The following RERE variants were observed in gnomAD, a reference collection of about 807,000 sequenced individuals.
RERE encodes arginine-glutamic acid dipeptide repeats protein.
In RERE, 40 loss-of-function variants were observed where a neutral mutation model predicts 146.1. The observed-to-expected ratio is 0.27, with a 90% CI of 0.21 to 0.36. The LOEUF (loss-of-function observed/expected upper bound fraction) is 0.36. Among genes scored for constraint, RERE ranks in the 10% least tolerant of loss-of-function variants. The pLI, the probability that RERE is intolerant of heterozygous loss-of-function variation, is 1.00. For missense variants in RERE, 1,933 were observed against 2,138.7 expected, an observed-to-expected ratio of 0.90 and a Z score of 1.90; for synonymous variants, 1,003 against 866.0, an observed-to-expected ratio of 1.16 and a Z score of -2.78.
At chr1:8,682,841 A>T (rs1639000596) in intron 1 of RERE, among the ~76,000 whole-genome samples, 1 of 152,126 alleles carries the variant, frequency 6.6e-6, no homozygotes, top group Non-Finnish European at 1.5e-5. Flanking sequence ...ATGACAAGTG[A>T]TTCTTTCGCA....
At chr1:8,781,613 G>A (rs1019509024) in intron 1 of RERE, among the ~76,000 whole-genome samples, 2 of 151,374 alleles carry the variant, frequency 1.3e-5, no homozygotes, top group Non-Finnish European at 2.9e-5. Flanking sequence ...GAATCTCTCC[G>A]TGCCTCCATT....
At chr1:8,634,245 T>C (rs967491170) in intron 2 of RERE, among the ~76,000 whole-genome samples, 3 of 152,186 alleles carry the variant, frequency 2.0e-5, no homozygotes, top group African/African-American at 7.2e-5. Context: ...TGCCACCAAC[T>C]TACAACCTGT....
intron 10 of RERE, among the ~76,000 whole-genome samples, chr1:8,477,241 C>A (rs11800486): frequency 0.018 from 2,768 of 152,196 alleles, 88 homozygotes; most frequent in African/African-American, 0.062. Flanking sequence ...AGGCTGCTTG[C>A]CGGGGCAGGA....
intron 1 of RERE, among the ~76,000 whole-genome samples, chr1:8,766,834 A>C (rs1640859609): frequency 6.6e-6 from 1 of 152,164 alleles, no homozygotes; most frequent in Non-Finnish European, 1.5e-5. Flanking sequence ...GACTTAGAGA[A>C]GGTTTTAAGA....
At chr1:8,599,845 C>CCTTA (rs1446762024) in intron 4 of RERE, among the ~76,000 whole-genome samples, 1 of 152,160 alleles carries the variant, frequency 6.6e-6, no homozygotes, top group Non-Finnish European at 1.5e-5. Context: ...GCCATGCAAT[C>CCTTA]CTTAAACTGT....
chr1:8,402,859 C>T lies in RERE; in HGVS notation c.1284+19868G>A, dbSNP rs1296110510. Among the ~76,000 whole-genome samples, 7 of 152,062 alleles carry T rather than the reference C, an allele frequency of 4.6e-5. No individual in the cohort carries two copies. In the South Asian group the frequency reaches 1.2e-3, roughly 27 times the overall value. On this transcript the variant is annotated intron_variant, in intron 12 of 22. Transcript: ENST00000400908. Reference sequence around the variant, plus strand: ...TTCACCTGTAAAACTGCCTGGGGGGCGCTGGTGCTGGGAAAGGGGTATTCA... The same window carrying T: ...TTCACCTGTAAAACTGCCTGGGGGGTGCTGGTGCTGGGAAAGGGGTATTCA...
In RERE at chr1:8,747,064, C is replaced by T. The variant is rs968482206; in HGVS notation, c.-145+70096G>A. ...TCTCGCTCTGTCGCCCAGGCTGGAGCGATCTTGGCTCACTGCAAGCTCCGC... is the reference window on the plus strand; with the variant it reads ...TCTCGCTCTGTCGCCCAGGCTGGAGTGATCTTGGCTCACTGCAAGCTCCGC... On this transcript the variant is annotated intron_variant, in intron 1 of 22. Coordinates refer to ENST00000400908, the MANE Select transcript of RERE (RefSeq NM_001042681.2). 9.2e-5 allele frequency among the ~76,000 whole-genome samples: 14 copies of T among 151,830 alleles called. 1 individual carries two copies. The highest frequency in any genetic ancestry group is 6.6e-4 in the Admixed American group (10 of 15,232).
chr1:8,657,163 G>C (rs2124336000), intron 1 of RERE, among the ~76,000 whole-genome samples: 1 of 152,154 alleles, frequency 6.6e-6, no homozygotes, highest in Non-Finnish European at 1.5e-5. Flanking sequence ...AAATTAGCTG[G>C]GTGTGGTGGC....
intron 11 of RERE, among the ~76,000 whole-genome samples, chr1:8,442,464 C>A (rs1483327167): frequency 6.6e-6 from 1 of 151,848 alleles, no homozygotes; most frequent in African/African-American, 2.4e-5. Flanking sequence ...GATGTGCCTG[C>A]TCCTACTTCG....
chr1:8,726,825 A>C (rs1024693539), intron 1 of RERE, among the ~76,000 whole-genome samples: 9 of 152,116 alleles, frequency 5.9e-5, no homozygotes, highest in Admixed American at 5.9e-4. Flanking sequence ...TTATTTATTG[A>C]GAAGAAGTCT....
intron 1 of RERE, among the ~76,000 whole-genome samples, chr1:8,775,063 C>T (rs564662246): frequency 7.6e-5 from 11 of 145,136 alleles, no homozygotes; most frequent in African/African-American, 2.6e-4. Flanking sequence ...CGGGTTCAAG[C>T]GATTCTCCTG....
chr1:8,772,783 AAAG>A (rs1640978014), intron 1 of RERE, among the ~76,000 whole-genome samples: 1 of 151,882 alleles, frequency 6.6e-6, no homozygotes, highest in African/African-American at 2.4e-5. Context: ...GGTCTCAAAA[AAAG>A]AAAAGAAAAA....
intron 15 of RERE, among the ~76,000 whole-genome samples, chr1:8,363,336 CT>C (rs1265569312): frequency 6.6e-6 from 1 of 152,252 alleles, no homozygotes; most frequent in East Asian, 1.9e-4. Context: ...CCGCCAAGCG[CT>C]TCAGCATGTT....
At chr1:8,635,906 T>C (rs973362590) in intron 2 of RERE, among the ~76,000 whole-genome samples, 2 of 152,174 alleles carry the variant, frequency 1.3e-5, no homozygotes, top group African/African-American at 4.8e-5. Flanking sequence ...ATATAAGAGG[T>C]AGACATGGAA....
At chr1:8,455,153 G>A (rs115137059) in intron 11 of RERE, among the ~76,000 whole-genome samples, 2,022 of 152,292 alleles carry the variant, frequency 0.013, 44 homozygotes, top group African/African-American at 0.047. Flanking sequence ...CAGTGGTGAC[G>A]AAGCTGTTCA....
intron 1 of RERE, among the ~76,000 whole-genome samples, chr1:8,684,681 TCCACCTCTCCCTATGAGCTGTTAAC>T (rs1389747054): frequency 6.6e-6 from 1 of 152,326 alleles, no homozygotes; most frequent in African/African-American, 2.4e-5. Context: ...TGCCTGTTAA[TCCACCTCTCCCTATGAGCTGTTAAC>T]CCACCTCTCC....
intron 12 of RERE, among the ~76,000 whole-genome samples, chr1:8,380,178 C>G (rs1190138355): frequency 2.6e-5 from 4 of 152,128 alleles, no homozygotes; most frequent in South Asian, 2.1e-4. Context: ...CCTTGGCCCT[C>G]TCTCGGGAAG....
intron 1 of RERE, among the ~76,000 whole-genome samples, chr1:8,684,935 A>G (rs928712053): frequency 7.2e-5 from 11 of 152,148 alleles, no homozygotes; most frequent in Non-Finnish European, 1.5e-4. Flanking sequence ...ATGGCTCACT[A>G]CAGCCTCAAC....
At chr1:8,557,608 A>C (rs1273325900) in intron 4 of RERE, 85 bp from the exon 5 acceptor site, 1 of 822,566 alleles carries the variant, frequency 1.2e-6, no homozygotes, top group Non-Finnish European at 2.1e-6. Context: ...AAGCCCCTGT[A>C]AACGGGTGGA....
Sources: allele counts gnomAD v4.1 joint callset (sites outside exome capture counted in the v4.1 genomes callset), GRCh38; gene constraint gnomAD v4.1.1; transcripts MANE v1.5; gene names NCBI Gene and HGNC (gene_info 2026-07-23, HGNC 2026-07-21).